The following NDNF variants were observed in gnomAD, a reference collection of about 807,000 sequenced individuals.
NDNF encodes protein NDNF.
A neutral mutation model predicts 42.0 loss-of-function variants in NDNF; 16 were observed. The observed-to-expected ratio is 0.38, with a 90% CI of 0.26 to 0.58. The LOEUF (loss-of-function observed/expected upper bound fraction) is 0.58. Ranked by LOEUF, NDNF falls within the 20% of genes least tolerant of loss-of-function variation. The probability of loss-of-function intolerance (pLI) is 0.67; values close to 1 mark genes in which losing one functional copy is unlikely to be tolerated. For missense variants in NDNF, 616 were observed against 666.2 expected, an observed-to-expected ratio of 0.92 and a Z score of 0.83; for synonymous variants, 248 against 251.7, an observed-to-expected ratio of 0.99 and a Z score of 0.14.
At chr4:121,063,597 A>C (rs541296705) in intron 1 of NDNF, among the ~76,000 whole-genome samples, 23 of 152,346 alleles carry the variant, frequency 1.5e-4, no homozygotes, top group Admixed American at 8.5e-4. Context: ...TGACTTCAAC[A>C]GATGATTTCA....
chr4:121,051,779 T>C (rs552322423), intron 1 of NDNF, among the ~76,000 whole-genome samples: 1 of 152,318 alleles, frequency 6.6e-6, no homozygotes, highest in African/African-American at 2.4e-5. Context: ...TAATTTTTTT[T>C]CCTTAAAAAT....
At chr4:121,065,225 A>C (rs985607538) in intron 1 of NDNF, among the ~76,000 whole-genome samples, 2 of 152,088 alleles carry the variant, frequency 1.3e-5, no homozygotes, top group African/African-American at 4.8e-5. Context: ...TATAGTATTA[A>C]GTAATATTCA....
chr4:121,039,179 T>TAC (rs1579308638), intron 3 of NDNF, among the ~76,000 whole-genome samples: 7 of 5,824 alleles, frequency 1.2e-3, no homozygotes, highest in Non-Finnish European at 4.1e-3. Context: ...ATAAAGACTA[T>TAC]GTGTGTGTGT....
In NDNF at chr4:121,045,763, C is replaced by A. The variant is rs1326158015; in HGVS notation, c.75G>T (p.Arg25=). The change falls in exon 2 of 4, where the codon CGG becomes CGT. Residue 25 remains arginine (R), a synonymous_variant. Transcript: ENST00000379692. ...LSSRTQKLPT[R]DEELFQMQIR... ...TCTGCATCTGAAAAAGTTCCTCATCCCGGGTGGGTAACTTCTGGGTCCTTG... is the reference window on the plus strand; with the variant it reads ...TCTGCATCTGAAAAAGTTCCTCATCACGGGTGGGTAACTTCTGGGTCCTTG... The A allele has an allele frequency of 6.2e-7, 1 of 1,614,170 alleles. No individual in the cohort carries two copies. The highest frequency in any genetic ancestry group is 8.5e-7 in the Non-Finnish European group (1 of 1,180,044).
At chr4:121,066,617 T>C (rs542690357) in intron 1 of NDNF, among the ~76,000 whole-genome samples, 4 of 152,316 alleles carry the variant, frequency 2.6e-5, no homozygotes, top group Admixed American at 2.6e-4. Flanking sequence ...GTTCCTACAT[T>C]ATAAATTTTA....
chr4:121,050,674 T>C (rs1230576892), intron 1 of NDNF, among the ~76,000 whole-genome samples: 6 of 152,162 alleles, frequency 3.9e-5, no homozygotes, highest in African/African-American at 1.2e-4. Flanking sequence ...ATTGACTTTG[T>C]TTCAATTGAA....
rs143734180 is a variant in NDNF at position 121,036,847 on chromosome 4, G to A, written c.1124C>T (p.Thr375Ile). The change falls in exon 4 of 4, where the codon ACC (threonine) becomes ATC (isoleucine). Residue 375 changes from threonine (T) to isoleucine (I), a missense_variant. Physicochemically the swap from Thr to Ile is moderately conservative, Grantham distance 89. Coordinates refer to ENST00000379692, the MANE Select transcript of NDNF (RefSeq NM_024574.4). The stretch of plus-strand genomic sequence containing the variant: ...ATCCAGACAAGAGTGAATAAAGAAG[G>A]TGACTTTTTGGTGAGAAGAGACTGG... ...FAPVSSHQKV[T>I]FFIHSCLDAV... The A allele has an allele frequency of 3.7e-4, 599 of 1,614,126 alleles. 3 individuals carry two copies. Among genetic ancestry groups the A allele is most frequent in the African/African-American group, 3.5e-3 (262 of 75,044 alleles).
At chr4:121,051,742 T>A (rs1226103284) in intron 1 of NDNF, among the ~76,000 whole-genome samples, 1 of 152,210 alleles carries the variant, frequency 6.6e-6, no homozygotes, top group Non-Finnish European at 1.5e-5. Flanking sequence ...TGAAATTGTA[T>A]GAACAGTGAT....
chr4:121,054,979 G>A (rs1196021176), intron 1 of NDNF, among the ~76,000 whole-genome samples: 1 of 150,756 alleles, frequency 6.6e-6, no homozygotes, highest in South Asian at 2.1e-4. Context: ...ACAGGTGTGT[G>A]CCACCTTACT....
Position 121,037,547 on chromosome 4 carries a change from G to T in NDNF, c.424C>A (p.Pro142Thr). 1 of 1,613,940 alleles carries T rather than the reference G, an allele frequency of 6.2e-7. No homozygotes were observed. Among genetic ancestry groups the T allele is most frequent in the Non-Finnish European group, 8.5e-7 (1 of 1,179,912 alleles). ...DVEYFISSSS[P>T]SGLYQLDLLS... ...AGATCCAACTGATATAAACCGGATGGGGAACTAGACGATATAAAATACTCA... is the reference window on the plus strand; with the variant it reads ...AGATCCAACTGATATAAACCGGATGTGGAACTAGACGATATAAAATACTCA... The change falls in exon 4 of 4, where the codon CCA (proline) becomes ACA (threonine). Residue 142 changes from proline (P) to threonine (T), a missense_variant. Physicochemically the swap from Pro to Thr is conservative, Grantham distance 38. Coordinates refer to ENST00000379692, the MANE Select transcript of NDNF (RefSeq NM_024574.4).
At position 121,036,732 on chromosome 4, in the gene NDNF, AG is replaced by A; in HGVS notation, c.1238del (p.Pro413LeufsTer9). The A allele has an allele frequency of 6.2e-7, 1 of 1,614,102 alleles. No individual in the cohort carries two copies. The highest frequency in any genetic ancestry group is 8.5e-7 in the Non-Finnish European group (1 of 1,180,014). Reference protein sequence around the residue: ...GIQQFQLRGKPKAKYLVRLKG... With the variant: ...GIQQFQLRGKXKAKYLVRLKG... ...TCAGTCGAACGAGGTATTTAGCTTT[AG>A]GTTTTCCTCTAAGCTGAAACTGCTG... On this transcript the variant is annotated frameshift_variant, in exon 4 of 4. Transcript: ENST00000379692. LOFTEE classifies it high-confidence loss of function.
intron 2 of NDNF, among the ~76,000 whole-genome samples, chr4:121,042,945 A>T (rs1727027591): frequency 6.6e-6 from 1 of 152,194 alleles, no homozygotes; most frequent in Non-Finnish European, 1.5e-5. Flanking sequence ...ATTCCACAAG[A>T]TAATGATTAT....
intron 1 of NDNF, among the ~76,000 whole-genome samples, chr4:121,057,778 A>G (rs543684938): frequency 3.2e-4 from 49 of 152,312 alleles, no homozygotes; most frequent in African/African-American, 1.1e-3. Context: ...TGAGATACCC[A>G]AAACAGAGCG....
Position 121,036,431 on chromosome 4 carries a change from G to C in NDNF, c.1540C>G (p.Leu514Val). The change falls in exon 4 of 4, where the codon CTC becomes GTC. Residue 514 changes from leucine to valine, a missense_variant. Coordinates refer to ENST00000379692, the MANE Select transcript of NDNF (RefSeq NM_024574.4). Reference protein sequence around the residue: ...PDIRKKSEKVLCKYFHSQNLQ... With the variant: ...PDIRKKSEKVVCKYFHSQNLQ... ...TTTTGACTGTGGAAATATTTACAGA[G>C]GACCTTTTCTGACTTCTTCCTTATA... 2 of 1,614,146 alleles carry C rather than the reference G, an allele frequency of 1.2e-6. No homozygotes were observed. Among genetic ancestry groups the C allele is most frequent in the Non-Finnish European group, 1.7e-6 (2 of 1,180,018 alleles).
intron 1 of NDNF, among the ~76,000 whole-genome samples, chr4:121,065,150 C>T (rs940512148): frequency 1.3e-5 from 2 of 152,148 alleles, no homozygotes; most frequent in African/African-American, 4.8e-5. Context: ...ATGCTGTCAC[C>T]TCTGCCGTTC....
Position 121,072,099 on chromosome 4 carries a change from A to G in NDNF, c.-108T>C, listed in dbSNP as rs1727615677. On this transcript the variant is annotated 5_prime_UTR_variant, in exon 1 of 4. Coordinates refer to ENST00000379692, the MANE Select transcript of NDNF (RefSeq NM_024574.4). ...GGACCCTGCCAAGATGCTAAGCACC[A>G]ATATCCAGGAACGAGAAGCCTGGAG... 6.6e-6 allele frequency: 1 copy of G among 152,334 alleles called. No homozygotes were observed. Among genetic ancestry groups the G allele is most frequent in the South Asian group, 2.1e-4 (1 of 4,830 alleles). 9.4% of individuals were successfully genotyped at this position (152,334 alleles called of 1,614,324 possible).
At chr4:121,056,574 G>GA (rs1727300264) in intron 1 of NDNF, among the ~76,000 whole-genome samples, 1 of 152,028 alleles carries the variant, frequency 6.6e-6, no homozygotes, top group African/African-American at 2.4e-5. Context: ...ACTACAGCAA[G>GA]AAAAAAAGAT....
At chr4:121,061,205 T>A (rs1196675011) in intron 1 of NDNF, 1 of 152,288 alleles carries the variant, frequency 6.6e-6, no homozygotes, top group African/African-American at 2.4e-5. Context: ...TAGAAAATAT[T>A]CTCCAAAGAC....
In NDNF at chr4:121,036,222, C is replaced by G; in HGVS notation, c.*42G>C. ...GTTTATACTTAAAGTGATTTAATGT[C>G]CCTCCTGGAGTTCTACATAATATAT... On this transcript the variant is annotated 3_prime_UTR_variant, in exon 4 of 4. Transcript: ENST00000379692. 1.4e-6 allele frequency: 2 copies of G among 1,474,908 alleles called. No individual in the cohort carries two copies. The highest frequency in any genetic ancestry group is 1.8e-6 in the Non-Finnish European group (2 of 1,091,174). 91.4% of individuals were successfully genotyped at this position (1,474,908 alleles called of 1,614,324 possible).
Sources: allele counts gnomAD v4.1 joint callset (sites outside exome capture counted in the v4.1 genomes callset), GRCh38; gene constraint gnomAD v4.1.1; transcripts MANE v1.5; gene names NCBI Gene and HGNC (gene_info 2026-07-23, HGNC 2026-07-21).